TENM3: variants seen among roughly 807,000 people sequenced by gnomAD.
TENM3 encodes teneurin transmembrane protein 3.
Under a neutral mutation model 255.1 loss-of-function variants are expected in TENM3, and 63 were observed. That is an observed-to-expected ratio of 0.25 (90% confidence interval 0.20 to 0.30). The LOEUF (loss-of-function observed/expected upper bound fraction) is 0.30, where lower values mean the gene tolerates loss of function less well. Among genes scored for constraint, TENM3 ranks in the 10% least tolerant of loss-of-function variants. The pLI is 1.00. For synonymous variants in TENM3, 1,306 were observed against 1,322.3 expected (o/e 0.99, Z 0.27); for missense variants, 2,929 against 3,461.1 (o/e 0.85, Z 3.86).
At chr4:181,681,747 TA>T in the TENM3 span, among the ~76,000 whole-genome samples, 770 of 131,368 alleles carry the variant, frequency 5.9e-3, 5 homozygotes, top group African/African-American at 0.024. Context: ...TAGACTCAGC[TA>T]TTTTTTTTTC....
At chr4:181,988,857 C>T in the TENM3 span, among the ~76,000 whole-genome samples, 1 of 151,766 alleles carries the variant, frequency 6.6e-6, no homozygotes, top group South Asian at 2.1e-4. Flanking sequence ...AATTGAAGTG[C>T]CAGAGACACC....
At chr4:182,701,748 T>G (rs10434298) in intron 12 of TENM3, among the ~76,000 whole-genome samples, 1 of 152,128 alleles carries the variant, frequency 6.6e-6, no homozygotes, top group Non-Finnish European at 1.5e-5. Context: ...AGTCTAGATA[T>G]GCAATTATGA....
chr4:181,482,425 T>G, the TENM3 span, among the ~76,000 whole-genome samples: 1 of 152,156 alleles, frequency 6.6e-6, no homozygotes, highest in Non-Finnish European at 1.5e-5. Flanking sequence ...ACACTTATTT[T>G]GCTCATTTTC....
chr4:182,068,530 A>G, the TENM3 span, among the ~76,000 whole-genome samples: 1 of 152,116 alleles, frequency 6.6e-6, no homozygotes, highest in African/African-American at 2.4e-5. Context: ...TAGCAATTAA[A>G]CTGTCTTAAT....
At chr4:181,574,509 G>A in the TENM3 span, among the ~76,000 whole-genome samples, 410 of 151,018 alleles carry the variant, frequency 2.7e-3, no homozygotes, top group African/African-American at 8.4e-3. Context: ...CCGCAGTCCG[G>A]CCTGGGCGAC....
At chr4:181,759,847 G>T in the TENM3 span, among the ~76,000 whole-genome samples, 1 of 151,422 alleles carries the variant, frequency 6.6e-6, no homozygotes, top group African/African-American at 2.4e-5. Context: ...AGACATGCTG[G>T]TTTTCTTCTG....
At chr4:182,407,514 G>T (rs1769664911) in intron 3 of TENM3, among the ~76,000 whole-genome samples, 1 of 152,232 alleles carries the variant, frequency 6.6e-6, no homozygotes, top group South Asian at 2.1e-4. Flanking sequence ...ATGTCACATT[G>T]TTTGTAACTT....
chr4:182,339,006 C>T (rs1224633904), intron 2 of TENM3, among the ~76,000 whole-genome samples: 1 of 152,164 alleles, frequency 6.6e-6, no homozygotes, highest in East Asian at 1.9e-4. Context: ...CCATGAATTT[C>T]CAGTTAGACC....
chr4:181,543,951 G>A, the TENM3 span, among the ~76,000 whole-genome samples: 2 of 152,052 alleles, frequency 1.3e-5, no homozygotes, highest in South Asian at 2.1e-4. Flanking sequence ...TCAAATTTCA[G>A]GATGTCATGA....
At chr4:182,539,606 TCAA>T (rs1435813193) in intron 3 of TENM3, among the ~76,000 whole-genome samples, 2 of 152,200 alleles carry the variant, frequency 1.3e-5, no homozygotes, top group Non-Finnish European at 2.9e-5. Context: ...TTTGTGATCA[TCAA>T]CAAACCATAA....
chr4:182,131,791 C>T, the TENM3 span, among the ~76,000 whole-genome samples: 1 of 152,210 alleles, frequency 6.6e-6, no homozygotes, highest in Admixed American at 6.5e-5. Context: ...TGCAACCACA[C>T]ATAAACCATT....
At chr4:181,616,415 A>C in the TENM3 span, among the ~76,000 whole-genome samples, 1 of 148,418 alleles carries the variant, frequency 6.7e-6, no homozygotes, top group African/African-American at 2.5e-5. Flanking sequence ...CTATATATAT[A>C]AGTAGGGTAT....
chr4:181,683,581 C>A, the TENM3 span, among the ~76,000 whole-genome samples: 3 of 152,142 alleles, frequency 2.0e-5, no homozygotes, highest in Non-Finnish European at 4.4e-5. Context: ...TTGGGCCACC[C>A]TTTGAGAACC....
chr4:182,115,714 A>AGTGGCTTGGTTTT, the TENM3 span, among the ~76,000 whole-genome samples: 3 of 152,132 alleles, frequency 2.0e-5, no homozygotes, highest in Non-Finnish European at 4.4e-5. Context: ...GCTTGGCAGC[A>AGTGGCTTGGTTTT]ATGGTTTTAG....
the TENM3 span, among the ~76,000 whole-genome samples, chr4:181,842,558 G>A: frequency 6.6e-6 from 1 of 152,074 alleles, no homozygotes; most frequent in Admixed American, 6.6e-5. Context: ...TGTTGCTTTT[G>A]CTATGTGAAG....
chr4:181,794,128 T>C, the TENM3 span, among the ~76,000 whole-genome samples: 3 of 152,128 alleles, frequency 2.0e-5, no homozygotes, highest in Non-Finnish European at 2.9e-5. Flanking sequence ...TTTTTATTTT[T>C]CCCCCAGCTT....
chr4:182,023,051 G>C, the TENM3 span, among the ~76,000 whole-genome samples: 1 of 152,132 alleles, frequency 6.6e-6, no homozygotes, highest in African/African-American at 2.4e-5. Flanking sequence ...TTAAGAATAT[G>C]TACCTTTGTT....
chr4:182,338,577 A>G (rs1561338548), intron 2 of TENM3, among the ~76,000 whole-genome samples: 1 of 152,194 alleles, frequency 6.6e-6, no homozygotes, highest in Non-Finnish European at 1.5e-5. Context: ...AGGTCAAAAG[A>G]ATTGAAATCA....
chr4:182,745,948 C>T (rs550009442), intron 19 of TENM3, among the ~76,000 whole-genome samples: 68 of 152,276 alleles, frequency 4.5e-4, no homozygotes, highest in African/African-American at 1.5e-3. Context: ...TCCTTCTCCT[C>T]TGTCCATCAT....
Sources: gnomAD v4.1 joint callset for allele counts (sites outside exome capture counted in the v4.1 genomes callset) on GRCh38, gnomAD v4.1.1 for gene constraint, MANE v1.5 for transcripts, NCBI Gene and HGNC (gene_info 2026-07-23, HGNC 2026-07-21) for gene names.